FHIT: variants seen among roughly 807,000 people sequenced by gnomAD.
FHIT encodes fragile histidine triad diadenosine triphosphatase.
A neutral mutation model predicts 17.9 loss-of-function variants in FHIT; 19 were observed. The ratio of observed to expected loss-of-function variants is 1.06; its 90% CI spans 0.74 to 1.56. The LOEUF (loss-of-function observed/expected upper bound fraction) is 1.56. FHIT is among the 40% of genes most tolerant of loss of function. The pLI is 0.00. For missense variants in FHIT, 248 were observed against 189.2 expected, an observed-to-expected ratio of 1.31 and a Z score of -1.82; for synonymous variants, 81 against 69.7, an observed-to-expected ratio of 1.16 and a Z score of -0.81.
At chr3:60,423,493 C>A (rs116444902) in intron 5 of FHIT, among the ~76,000 whole-genome samples, 1,611 of 152,044 alleles carry the variant, frequency 0.011, 17 homozygotes, top group East Asian at 0.036. Context: ...AGGTTTTTTT[C>A]TGATTGATAT....
intron 8 of FHIT, among the ~76,000 whole-genome samples, chr3:59,891,572 T>G (rs994799196): frequency 6.6e-6 from 1 of 152,114 alleles, no homozygotes; most frequent in Non-Finnish European, 1.5e-5. Context: ...GAGGCAAACC[T>G]TAGCCAATTT....
At chr3:60,708,718 A>C (rs1386122879) in intron 4 of FHIT, among the ~76,000 whole-genome samples, 1 of 152,206 alleles carries the variant, frequency 6.6e-6, no homozygotes, top group Non-Finnish European at 1.5e-5. Context: ...TCACTTTGCA[A>C]TATATTTAAA....
chr3:60,904,702 G>A (rs571267925), intron 3 of FHIT, among the ~76,000 whole-genome samples: 2 of 152,148 alleles, frequency 1.3e-5, no homozygotes, highest in East Asian at 1.9e-4. Context: ...AGCACTTTGG[G>A]AGGCTGAGGT....
intron 3 of FHIT, among the ~76,000 whole-genome samples, chr3:61,034,104 T>C (rs938184248): frequency 2.0e-5 from 3 of 152,106 alleles, no homozygotes; most frequent in African/African-American, 7.2e-5. Context: ...ACACCATATA[T>C]AAAAATTAAC....
chr3:60,051,345 T>A (rs1198697649), intron 5 of FHIT, among the ~76,000 whole-genome samples: 1 of 143,742 alleles, frequency 7.0e-6, no homozygotes, highest in Admixed American at 7.0e-5. Context: ...TTTTTTTTTG[T>A]AACAGCAGCT....
intron 8 of FHIT, among the ~76,000 whole-genome samples, chr3:59,818,741 A>G (rs1333198154): frequency 1.3e-5 from 2 of 152,200 alleles, no homozygotes; most frequent in African/African-American, 4.8e-5. Flanking sequence ...GGACACAGGA[A>G]GTTACAGGGT....
chr3:60,751,152 C>T (rs901655331), intron 4 of FHIT, among the ~76,000 whole-genome samples: 3 of 152,170 alleles, frequency 2.0e-5, no homozygotes, highest in African/African-American at 7.2e-5. Context: ...ACAGAAGACA[C>T]CAGAGTGTTT....
intron 5 of FHIT, among the ~76,000 whole-genome samples, chr3:60,411,205 T>C (rs866339324): frequency 6.6e-6 from 1 of 152,194 alleles, no homozygotes; most frequent in Admixed American, 6.6e-5. Context: ...TAGAAAAATC[T>C]TGAACTAGTT....
chr3:59,927,282 G>A (rs900877616), intron 7 of FHIT, among the ~76,000 whole-genome samples: 1 of 152,162 alleles, frequency 6.6e-6, no homozygotes, highest in African/African-American at 2.4e-5. Context: ...TTGCGGTTGT[G>A]AAGAGGGATG....
chr3:60,658,408 T>C (rs1352828091), intron 4 of FHIT, among the ~76,000 whole-genome samples: 1 of 152,164 alleles, frequency 6.6e-6, no homozygotes, highest in East Asian at 1.9e-4. Flanking sequence ...TTATTTTTTG[T>C]AGTGAAACAT....
At chr3:60,540,499 C>T (rs572932099) in intron 4 of FHIT, among the ~76,000 whole-genome samples, 5 of 152,276 alleles carry the variant, frequency 3.3e-5, no homozygotes, top group Admixed American at 1.3e-4. Flanking sequence ...TCTCCAGGTA[C>T]GTAACATCCA....
intron 5 of FHIT, among the ~76,000 whole-genome samples, chr3:60,042,145 C>A (rs1460165486): frequency 6.6e-6 from 1 of 152,148 alleles, no homozygotes; most frequent in Non-Finnish European, 1.5e-5. Context: ...GCTCTGAGCT[C>A]TTTGTGTTCA....
intron 8 of FHIT, among the ~76,000 whole-genome samples, chr3:59,765,348 C>G (rs1175943515): frequency 6.6e-6 from 1 of 152,206 alleles, no homozygotes; most frequent in Non-Finnish European, 1.5e-5. Context: ...GGGATTGACA[C>G]AGATCTTTAA....
intron 2 of FHIT, among the ~76,000 whole-genome samples, chr3:61,064,780 A>G (rs1485835528): frequency 6.6e-6 from 1 of 152,170 alleles, no homozygotes; most frequent in Non-Finnish European, 1.5e-5. Flanking sequence ...AATTGCTCTC[A>G]CAGTTGCCAG....
At chr3:61,169,440 A>C (rs1283682088) in intron 2 of FHIT, among the ~76,000 whole-genome samples, 3 of 152,218 alleles carry the variant, frequency 2.0e-5, no homozygotes, top group Non-Finnish European at 4.4e-5. Context: ...TACCTATATG[A>C]GTCATAACTT....
chr3:61,079,458 A>G (rs1432997253), intron 2 of FHIT, among the ~76,000 whole-genome samples: 1 of 152,198 alleles, frequency 6.6e-6, no homozygotes, highest in East Asian at 1.9e-4. Context: ...TTCAGCAAAG[A>G]ACTTTGTTTG....
At chr3:61,112,495 A>G (rs2036189255) in intron 2 of FHIT, among the ~76,000 whole-genome samples, 1 of 152,096 alleles carries the variant, frequency 6.6e-6, no homozygotes, top group Non-Finnish European at 1.5e-5. Flanking sequence ...TCCCTTTCTG[A>G]GTTATTCAAT....
chr3:60,306,581 G>C (rs1708684082), intron 5 of FHIT, among the ~76,000 whole-genome samples: 1 of 152,060 alleles, frequency 6.6e-6, no homozygotes, highest in Non-Finnish European at 1.5e-5. Flanking sequence ...CTTTCTGTCT[G>C]CGTCATTTCC....
At chr3:61,138,596 G>A (rs1197168546) in intron 2 of FHIT, among the ~76,000 whole-genome samples, 1 of 152,200 alleles carries the variant, frequency 6.6e-6, no homozygotes, top group Non-Finnish European at 1.5e-5. Flanking sequence ...TGACAAAAAT[G>A]ACGGTGGCAC....
Sources: allele counts gnomAD v4.1 joint callset (sites outside exome capture counted in the v4.1 genomes callset), GRCh38; gene constraint gnomAD v4.1.1; transcripts MANE v1.5; gene names NCBI Gene and HGNC (gene_info 2026-07-23, HGNC 2026-07-21).